Variants in CCPG1 observed in about 807,000 individuals in gnomAD.
The protein encoded by CCPG1 is cell cycle progression protein 1.
In CCPG1, 46 loss-of-function variants were observed where a neutral mutation model predicts 81.3. The observed-to-expected ratio is 0.57, with a 90% CI of 0.45 to 0.72. CCPG1 has a LOEUF of 0.72. Ranked by LOEUF, CCPG1 falls within the 30% of genes least tolerant of loss-of-function variation. The probability of loss-of-function intolerance (pLI) is 0.00; values close to 1 mark genes in which losing one functional copy is unlikely to be tolerated. For synonymous variants in CCPG1, 330 were observed against 305.2 expected, an observed-to-expected ratio of 1.08 and a Z score of -0.85; for missense variants, 902 against 937.6, an observed-to-expected ratio of 0.96 and a Z score of 0.50.
rs1353157545 is a variant in CCPG1, at chr15:55,385,682, G to A, written c.93C>T (p.Thr31=). 3.1e-6 allele frequency: 5 copies of A among 1,610,444 alleles called. No homozygotes were observed. Among genetic ancestry groups the A allele is most frequent in the African/African-American group, 2.7e-5 (2 of 74,854 alleles). The change falls in exon 3 of 9, where the codon ACC becomes ACT. Residue 31 remains threonine (T), a synonymous_variant. Coordinates refer to ENST00000442196, the MANE Select transcript of CCPG1 (RefSeq NM_001204450.2). ...GGGCGGGCTCACAGCTGTCAGTGGG[G>A]GTCACAGAATTCAACATTTCTATAT... is the stretch of plus-strand genomic sequence containing the variant. The part of the protein sequence containing the change: ...GSDIEMLNSV[T]PTDSCEPAPE...
chr15:55,361,914 T>C (rs1164387080), intron 7 of CCPG1, among the ~76,000 whole-genome samples: 1 of 152,148 alleles, frequency 6.6e-6, no homozygotes, highest in Non-Finnish European at 1.5e-5. Context: ...ACAGACTGAA[T>C]CTTGAACATT....
chr15:55,357,636 G>T, intron 8 of CCPG1: 1 of 157,236 alleles, frequency 6.4e-6, no homozygotes, highest in Non-Finnish European at 1.4e-5. Context: ...GATCACTTGA[G>T]GTCAGGATTT....
chr15:55,374,147 C>G, intron 5 of CCPG1: 1 of 1,285,928 alleles, frequency 7.8e-7, no homozygotes, highest in Non-Finnish European at 1.0e-6. Context: ...CAGATTTAGT[C>G]ACACCACCTT....
chr15:55,380,335 G>A (rs1337441682), intron 3 of CCPG1, among the ~76,000 whole-genome samples: 1 of 147,440 alleles, frequency 6.8e-6, no homozygotes, highest in Non-Finnish European at 1.5e-5. Flanking sequence ...CCCCTCTGTC[G>A]CCCAGGCTGG....
chr15:55,365,459 C>A (rs1320704116), intron 6 of CCPG1, 150 bp from the exon 7 acceptor site: 1 of 544,052 alleles, frequency 1.8e-6, no homozygotes, highest in Non-Finnish European at 3.1e-6. Flanking sequence ...TGAGAAGAGT[C>A]TTGCTCCATT....
At position 55,377,020 on chromosome 15, in the gene CCPG1, G is replaced by T. The variant is rs770666993; in HGVS notation, c.383C>A (p.Ala128Glu). ...GNQEVVIVEEAQSSEDFNMGS... is the reference protein window; with the variant it reads ...GNQEVVIVEEEQSSEDFNMGS... ...CATGTTAAAGTCTTCTGAACTCTGT[G>T]CTTCTTCAACAATGACAACTTCTTG... is the stretch of plus-strand genomic sequence containing the variant. Residue 128 changes from alanine (A) to glutamate (E), a missense_variant, in exon 5 of 9, where the codon GCA becomes GAA. Ala to Glu is a moderately radical substitution (Grantham distance 107). This residue lies in a region of CCPG1 where 746 missense variants were observed against 728.6 expected (regional missense o/e 1.02). Coordinates refer to ENST00000442196, the MANE Select transcript of CCPG1 (RefSeq NM_001204450.2). The T allele has an allele frequency of 1.2e-6, 2 of 1,613,828 alleles. No homozygotes were observed. Among genetic ancestry groups the T allele is most frequent in the Non-Finnish European group, 1.7e-6 (2 of 1,179,922 alleles).
intron 7 of CCPG1, among the ~76,000 whole-genome samples, chr15:55,364,249 G>A (rs1446834780): frequency 6.6e-6 from 1 of 150,506 alleles, no homozygotes; most frequent in Non-Finnish European, 1.5e-5. Context: ...AGTCCTGTGA[G>A]ACGAGATCTA....
Position 55,355,768 on chromosome 15 carries a change from C to T in CCPG1, c.*452G>A. ...TTCACAAGTCAGAGGGCTCTTGAACCCACAAAAAGACAAGAAGTGAGTGTA... is the reference window on the plus strand; with the variant it reads ...TTCACAAGTCAGAGGGCTCTTGAACTCACAAAAAGACAAGAAGTGAGTGTA... On this transcript the variant is annotated 3_prime_UTR_variant, in exon 9 of 9. Transcript: ENST00000442196. The T allele has an allele frequency of 4.5e-6, 1 of 224,136 alleles. No individual in the cohort carries two copies. 13.9% of individuals were successfully genotyped at this position (224,136 alleles called of 1,614,324 possible).
chr15:55,389,236 G>T (rs899673701), intron 2 of CCPG1, 129 bp downstream of exon 2: 1 of 653,846 alleles, frequency 1.5e-6, no homozygotes, highest in Non-Finnish European at 2.7e-6. Flanking sequence ...AGTTTAATAT[G>T]AGAGGGAAAA....
intron 1 of CCPG1, among the ~76,000 whole-genome samples, chr15:55,404,104 C>A (rs1165463233): frequency 6.6e-6 from 1 of 152,072 alleles, no homozygotes; most frequent in African/African-American, 2.4e-5. Flanking sequence ...ATTGAGCCAA[C>A]TCAGTACACA....
At chr15:55,370,518 C>T (rs751115411) in intron 6 of CCPG1, among the ~76,000 whole-genome samples, 2 of 152,130 alleles carry the variant, frequency 1.3e-5, no homozygotes, top group African/African-American at 4.8e-5. Context: ...AGGCCAGGCA[C>T]GGTGGCTCAT....
intron 5 of CCPG1, chr15:55,372,785 C>T: frequency 3.1e-6 from 1 of 325,672 alleles, no homozygotes; most frequent in South Asian, 2.7e-5. Context: ...TTAAGGAACA[C>T]AGGAAAGTAC....
At chr15:55,371,757 C>T (rs749364625) in intron 6 of CCPG1, 36 bp downstream of exon 6, 2 of 1,595,736 alleles carry the variant, frequency 1.3e-6, no homozygotes, top group Non-Finnish European at 1.7e-6. Flanking sequence ...TACACTATCC[C>T]ATCAGGTTAT....
In CCPG1 at chr15:55,399,430, A is replaced by C. The variant is rs187371346; in HGVS notation, c.-10+8791T>G. Among the ~76,000 whole-genome samples the C allele has an allele frequency of 7.6e-3, 1,145 of 151,082 alleles. 15 individuals are homozygous for C. The highest frequency in any genetic ancestry group is 0.023 in the African/African-American group (961 of 41,216). The stretch of plus-strand genomic sequence containing the variant: ...CCACTAAAAATACAAAAAAAAAAAA[A>C]AAAAAAAAACTAGCCGGGCATGGTG... On this transcript the variant is annotated intron_variant, in intron 1 of 8. Coordinates refer to ENST00000442196, the MANE Select transcript of CCPG1 (RefSeq NM_001204450.2).
rs73406908 is a variant in CCPG1, at chr15:55,384,737, G to A, written c.175+863C>T. 3.2e-3 allele frequency among the ~76,000 whole-genome samples: 491 copies of A among 152,172 alleles called. 1 individual carries two copies. Among genetic ancestry groups the A allele is most frequent in the African/African-American group, 0.011 (463 of 41,548 alleles). ...ACACAGAGACATGAAGTGGGCATAT[G>A]CTATCGGAAAAATGGCATTAATAGA... On this transcript the variant is annotated intron_variant, in intron 3 of 8. Coordinates refer to ENST00000442196, the MANE Select transcript of CCPG1 (RefSeq NM_001204450.2).
At chr15:55,366,477 T>C (rs1160212693) in intron 6 of CCPG1, among the ~76,000 whole-genome samples, 2 of 151,840 alleles carry the variant, frequency 1.3e-5, no homozygotes, top group Non-Finnish European at 2.9e-5. Flanking sequence ...ATCCCAACAG[T>C]GATAAAAGAA....
At chr15:55,379,594 G>C (rs982869402) in intron 3 of CCPG1, among the ~76,000 whole-genome samples, 9 of 152,128 alleles carry the variant, frequency 5.9e-5, no homozygotes, top group African/African-American at 2.2e-4. Flanking sequence ...GACTTTGGTA[G>C]GCCAATGTGT....
At chr15:55,391,158 T>C (rs1201787020) in intron 1 of CCPG1, among the ~76,000 whole-genome samples, 2 of 152,250 alleles carry the variant, frequency 1.3e-5, no homozygotes, top group Non-Finnish European at 2.9e-5. Context: ...GGTCCCGTTC[T>C]GTCATACAGG....
At chr15:55,372,458 C>T (rs779933380) in intron 5 of CCPG1, 5 of 204,358 alleles carry the variant, frequency 2.4e-5, no homozygotes, top group Middle Eastern at 2.2e-3. Context: ...GTCAGGAGTT[C>T]GAGATCAGCC....
Sources: allele counts gnomAD v4.1 joint callset (sites outside exome capture counted in the v4.1 genomes callset), GRCh38; gene constraint gnomAD v4.1.1; regional missense constraint gnomAD v4.1.1; transcripts MANE v1.5; gene names NCBI Gene and HGNC (gene_info 2026-07-23, HGNC 2026-07-21).